The following ZDHHC17 variants were observed in gnomAD, a reference collection of about 807,000 sequenced individuals.
The protein encoded by ZDHHC17 is zDHHC palmitoyltransferase 17, also known as palmitoyltransferase ZDHHC17.
ZDHHC17 carries 40 observed loss-of-function variants against 90.3 expected under a neutral mutation model. The ratio of observed to expected loss-of-function variants is 0.44; its 90% CI spans 0.34 to 0.58. The LOEUF is 0.58. Among genes scored for constraint, ZDHHC17 ranks in the 20% least tolerant of loss-of-function variants. The pLI is 0.01. For missense variants in ZDHHC17, 614 were observed against 780.8 expected, an observed-to-expected ratio of 0.79 and a Z score of 2.55; for synonymous variants, 235 against 252.4, an observed-to-expected ratio of 0.93 and a Z score of 0.65.
chr12:76,811,737 G>GT (rs34070911), intron 5 of ZDHHC17, among the ~76,000 whole-genome samples: 92,083 of 151,748 alleles, frequency 0.61, 27,969 homozygotes, highest in East Asian at 0.67. Context: ...TTGGCCATCT[G>GT]CTGACTGAGG....
intron 10 of ZDHHC17, among the ~76,000 whole-genome samples, chr12:76,829,985 G>A (rs939005549): frequency 5.3e-5 from 8 of 152,082 alleles, no homozygotes; most frequent in African/African-American, 1.7e-4. Flanking sequence ...GCACCACCAC[G>A]ACTGGCTAAT....
At chr12:76,800,045 A>T (rs113555338) in intron 2 of ZDHHC17, among the ~76,000 whole-genome samples, 38 of 152,278 alleles carry the variant, frequency 2.5e-4, no homozygotes, top group African/African-American at 7.5e-4. Context: ...GTGTGGTATC[A>T]TGTGCTCAAA....
At chr12:76,780,177 T>A (rs1408120568) in intron 1 of ZDHHC17, among the ~76,000 whole-genome samples, 1 of 152,236 alleles carries the variant, frequency 6.6e-6, no homozygotes, top group Non-Finnish European at 1.5e-5. Context: ...GTCTATTGTC[T>A]ACTTGCTGGG....
At chr12:76,795,124 T>A (rs1332567637) in intron 1 of ZDHHC17, among the ~76,000 whole-genome samples, 1 of 152,116 alleles carries the variant, frequency 6.6e-6, no homozygotes, top group Non-Finnish European at 1.5e-5. Flanking sequence ...ACATGCACAG[T>A]GATGCTCTGA....
At chr12:76,829,068 A>G (rs1008972631) in intron 10 of ZDHHC17, among the ~76,000 whole-genome samples, 1 of 152,160 alleles carries the variant, frequency 6.6e-6, no homozygotes, top group East Asian at 1.9e-4. Context: ...AAGCAATAAG[A>G]TGTCGAGGAT....
chr12:76,842,073 G>T lies in ZDHHC17; in HGVS notation c.1233G>T (p.Gly411=), dbSNP rs750520562. The T allele has an allele frequency of 6.3e-7, 1 of 1,592,628 alleles. No individual in the cohort carries two copies. Among genetic ancestry groups the T allele is most frequent in the East Asian group, 2.3e-5 (1 of 43,432 alleles). ...GAAAATCTTGGAAATCAGATCCAGG[G>T]ATTATTAAAGCAACAGAAGAGCAAA... ...NFGKSWKSDP[G]IIKATEEQKK... The change falls in exon 11 of 17, where the codon GGG becomes GGT. Residue 411 remains glycine (G), a synonymous_variant. Coordinates refer to ENST00000426126, the MANE Select transcript of ZDHHC17 (RefSeq NM_015336.4).
intron 1 of ZDHHC17, among the ~76,000 whole-genome samples, chr12:76,780,484 A>G (rs1952609584): frequency 6.6e-6 from 1 of 152,224 alleles, no homozygotes; most frequent in African/African-American, 2.4e-5. Flanking sequence ...TTACAAAACA[A>G]AAGCAAAATA....
chr12:76,771,176 G>C (rs1952487799), intron 1 of ZDHHC17, among the ~76,000 whole-genome samples: 1 of 151,932 alleles, frequency 6.6e-6, no homozygotes, highest in Admixed American at 6.6e-5. Flanking sequence ...CATAAAATTT[G>C]ACCCAGTGGA....
At chr12:76,777,343 C>G (rs1952570371) in intron 1 of ZDHHC17, among the ~76,000 whole-genome samples, 1 of 152,126 alleles carries the variant, frequency 6.6e-6, no homozygotes, top group African/African-American at 2.4e-5. Context: ...GGAGAGTCAT[C>G]AGGTTGTTGT....
chr12:76,837,656 A>C (rs922382786), intron 10 of ZDHHC17, among the ~76,000 whole-genome samples: 2 of 152,202 alleles, frequency 1.3e-5, no homozygotes, highest in Non-Finnish European at 2.9e-5. Flanking sequence ...TTTGTATACT[A>C]TATGTAATTT....
At chr12:76,774,101 T>G (rs1411004660) in intron 1 of ZDHHC17, among the ~76,000 whole-genome samples, 1 of 151,892 alleles carries the variant, frequency 6.6e-6, no homozygotes, top group African/African-American at 2.4e-5. Context: ...AATAAAAGAA[T>G]TAGCTGGGTG....
intron 10 of ZDHHC17, chr12:76,840,984 G>A (rs1953428158): frequency 6.6e-6 from 1 of 152,094 alleles, no homozygotes; most frequent in Admixed American, 6.6e-5. Context: ...CTGAAAGTTT[G>A]ACTTCTTATT....
At chr12:76,781,835 A>G (rs1356833498) in intron 1 of ZDHHC17, among the ~76,000 whole-genome samples, 1 of 152,264 alleles carries the variant, frequency 6.6e-6, no homozygotes, top group Non-Finnish European at 1.5e-5. Flanking sequence ...GTAGAGCTAC[A>G]TGTATCAGCA....
At chr12:76,764,928 T>TG (rs1458378773) in intron 1 of ZDHHC17, 2 of 446,764 alleles carry the variant, frequency 4.5e-6, no homozygotes, top group Non-Finnish European at 9.0e-6. Context: ...TACACTCACA[T>TG]TAGCTTGTCA....
intron 1 of ZDHHC17, among the ~76,000 whole-genome samples, chr12:76,772,985 C>T (rs1469359510): frequency 1.3e-5 from 2 of 150,156 alleles, no homozygotes; most frequent in Non-Finnish European, 3.0e-5. Flanking sequence ...GCCTCCCTCC[C>T]GAGTACCTCT....
intron 1 of ZDHHC17, among the ~76,000 whole-genome samples, chr12:76,779,693 A>G (rs1952601160): frequency 6.6e-6 from 1 of 152,148 alleles, no homozygotes; most frequent in Non-Finnish European, 1.5e-5. Context: ...CTATTCGACC[A>G]ATTTTTCCTT....
intron 7 of ZDHHC17, among the ~76,000 whole-genome samples, chr12:76,817,447 GT>G (rs1449520039): frequency 8.6e-6 from 1 of 116,892 alleles, no homozygotes; most frequent in Non-Finnish European, 1.8e-5. Context: ...ATTAATTTTA[GT>G]TTGGCAAATA....
At chr12:76,765,322 TAAA>T (rs1261162384) in intron 1 of ZDHHC17, among the ~76,000 whole-genome samples, 4 of 152,220 alleles carry the variant, frequency 2.6e-5, no homozygotes, top group African/African-American at 9.7e-5. Context: ...TAGTTTTTGT[TAAA>T]AAGTGAATAA....
chr12:76,807,618 T>C (rs1224819954), intron 3 of ZDHHC17, among the ~76,000 whole-genome samples: 1 of 152,218 alleles, frequency 6.6e-6, no homozygotes, highest in Non-Finnish European at 1.5e-5. Context: ...ATAGAAGTTA[T>C]TCTTTTTTTA....
Sources: allele counts gnomAD v4.1 joint callset (sites outside exome capture counted in the v4.1 genomes callset), GRCh38; gene constraint gnomAD v4.1.1; transcripts MANE v1.5; gene names NCBI Gene and HGNC (gene_info 2026-07-23, HGNC 2026-07-21).